FBXL17: variants seen among roughly 807,000 people sequenced by gnomAD.
The protein encoded by FBXL17 is F-box and leucine rich repeat protein 17, also known as F-box/LRR-repeat protein 17.
Under a neutral mutation model 66.2 loss-of-function variants are expected in FBXL17, and 22 were observed. The observed-to-expected ratio is 0.33, with a 90% CI of 0.24 to 0.47. The LOEUF (loss-of-function observed/expected upper bound fraction) is 0.47. Ranked by LOEUF, FBXL17 falls within the 20% of genes least tolerant of loss-of-function variation. The probability of loss-of-function intolerance (pLI) is 1.00; values close to 1 mark genes in which losing one functional copy is unlikely to be tolerated. For missense variants in FBXL17, 878 were observed against 948.2 expected (o/e 0.93, Z 0.97); for synonymous variants, 474 against 400.5 (o/e 1.18, Z -2.19).
At chr5:107,951,713 C>G (rs940574377) in intron 7 of FBXL17, among the ~76,000 whole-genome samples, 4 of 152,182 alleles carry the variant, frequency 2.6e-5, no homozygotes, top group Non-Finnish European at 5.9e-5. Flanking sequence ...AGCTCTCTGT[C>G]TCAAGTTCTC....
At chr5:108,111,333 A>G (rs1229140679) in intron 6 of FBXL17, among the ~76,000 whole-genome samples, 1 of 152,028 alleles carries the variant, frequency 6.6e-6, no homozygotes, top group Non-Finnish European at 1.5e-5. Flanking sequence ...AATTGGAAAC[A>G]AAACAAGACT....
chr5:108,381,434 C>CGGCGGCGGCGAG lies in FBXL17; in HGVS notation c.246_257dup (p.Ser83_Pro86dup), dbSNP rs1332232825. 1 of 1,312,038 alleles carries CGGCGGCGGCGAG rather than the reference C, an allele frequency of 7.6e-7. No homozygotes were observed. Among genetic ancestry groups the CGGCGGCGGCGAG allele is most frequent in the South Asian group, 2.3e-5 (1 of 43,834 alleles). The allele number at this position is 1,312,038 out of a possible 1,614,324, so 81.3% of individuals were successfully genotyped here. ...AGGCGGCAGCGTAGGCCCCGTCCCG[C>CGGCGGCGGCGAG]GGCGGCGGCGAGAGCGGCGGCTCCT... On this transcript the variant is annotated inframe_insertion, in exon 1 of 9. Transcript: ENST00000542267.
chr5:108,160,436 C>T (rs1251805980), intron 6 of FBXL17, among the ~76,000 whole-genome samples: 2 of 152,170 alleles, frequency 1.3e-5, no homozygotes, highest in African/African-American at 4.8e-5. Context: ...CAAACCACTA[C>T]TTTCTTGTGA....
chr5:107,918,881 A>C (rs565512504), intron 7 of FBXL17, among the ~76,000 whole-genome samples: 57 of 152,280 alleles, frequency 3.7e-4, no homozygotes, highest in Admixed American at 8.5e-4. Context: ...GATTTTGTAG[A>C]TCCAGGGAAG....
intron 6 of FBXL17, among the ~76,000 whole-genome samples, chr5:108,165,319 A>G (rs1752375840): frequency 1.6e-5 from 2 of 123,402 alleles, no homozygotes; most frequent in African/African-American, 5.2e-5. Context: ...GGATATGCAC[A>G]TAACTGAAAA....
chr5:107,994,314 T>C (rs956188066), intron 7 of FBXL17, among the ~76,000 whole-genome samples: 5 of 152,210 alleles, frequency 3.3e-5, no homozygotes, highest in Admixed American at 3.3e-4. Flanking sequence ...CTTCTTACCA[T>C]TGATAACATG....
intron 4 of FBXL17, among the ~76,000 whole-genome samples, chr5:108,251,005 C>T (rs1383138245): frequency 6.8e-6 from 1 of 146,112 alleles, no homozygotes; most frequent in African/African-American, 2.5e-5. Context: ...AAGTTATTGC[C>T]TATTTTTGTT....
intron 7 of FBXL17, among the ~76,000 whole-genome samples, chr5:107,983,337 A>C (rs1752894487): frequency 6.6e-6 from 1 of 151,590 alleles, no homozygotes; most frequent in African/African-American, 2.4e-5. Flanking sequence ...GACTACAGGC[A>C]CGCGCCACTA....
chr5:107,896,234 G>A (rs1454022735), intron 7 of FBXL17, among the ~76,000 whole-genome samples: 1 of 151,990 alleles, frequency 6.6e-6, no homozygotes, highest in Non-Finnish European at 1.5e-5. Flanking sequence ...AGTCAATAAC[G>A]TTGAGAAATT....
chr5:108,014,803 T>A (rs1462720745), intron 7 of FBXL17, among the ~76,000 whole-genome samples: 1 of 152,206 alleles, frequency 6.6e-6, no homozygotes, highest in Admixed American at 6.5e-5. Flanking sequence ...AGAGCTTTAA[T>A]GGACTCACAG....
chr5:108,022,027 G>T (rs2112766282), intron 6 of FBXL17, among the ~76,000 whole-genome samples: 1 of 151,838 alleles, frequency 6.6e-6, no homozygotes, highest in African/African-American at 2.4e-5. Flanking sequence ...TTCATAAAAT[G>T]TCAGGAAATT....
At chr5:108,016,796 T>TTTTA (rs1754405261) in intron 7 of FBXL17, among the ~76,000 whole-genome samples, 4 of 151,480 alleles carry the variant, frequency 2.6e-5, no homozygotes, top group African/African-American at 4.8e-5. Flanking sequence ...CTTTTTTTTT[T>TTTTA]GAGACAGAGT....
chr5:108,232,976 G>A (rs1399489075), intron 4 of FBXL17, among the ~76,000 whole-genome samples: 2 of 150,868 alleles, frequency 1.3e-5, no homozygotes, highest in Non-Finnish European at 2.9e-5. Context: ...AAATAATGCT[G>A]CTGTGATCAT....
At chr5:107,924,040 A>G (rs1446281209) in intron 7 of FBXL17, among the ~76,000 whole-genome samples, 2 of 150,118 alleles carry the variant, frequency 1.3e-5, no homozygotes, top group African/African-American at 2.5e-5. Context: ...CTGCCTAAAG[A>G]AGTGGCATAT....
At chr5:108,013,362 A>G (rs1399690511) in intron 7 of FBXL17, among the ~76,000 whole-genome samples, 3 of 152,180 alleles carry the variant, frequency 2.0e-5, no homozygotes, top group Non-Finnish European at 4.4e-5. Flanking sequence ...TTTGCATGTA[A>G]TCACTTTGGA....
intron 6 of FBXL17, among the ~76,000 whole-genome samples, chr5:108,173,357 C>A (rs1752677829): frequency 6.6e-6 from 1 of 151,804 alleles, no homozygotes; most frequent in Non-Finnish European, 1.5e-5. Context: ...ATGTAACTAA[C>A]CTGCACATTG....
At chr5:108,248,014 T>C (rs1756181490) in intron 4 of FBXL17, among the ~76,000 whole-genome samples, 1 of 152,206 alleles carries the variant, frequency 6.6e-6, no homozygotes, top group Non-Finnish European at 1.5e-5. Context: ...TTCCAGGTTA[T>C]CTGCTAATGT....
At chr5:108,294,675 G>A (rs1330971378) in intron 4 of FBXL17, among the ~76,000 whole-genome samples, 1 of 151,848 alleles carries the variant, frequency 6.6e-6, no homozygotes, top group East Asian at 1.9e-4. Flanking sequence ...ATAAACCACT[G>A]AAAGCAAACT....
At chr5:107,969,653 C>T (rs1328284242) in intron 7 of FBXL17, among the ~76,000 whole-genome samples, 1 of 152,138 alleles carries the variant, frequency 6.6e-6, no homozygotes, top group Non-Finnish European at 1.5e-5. Context: ...ACTGTAGAAG[C>T]CTCATGTTGC....
Sources: gnomAD v4.1 joint callset for allele counts (sites outside exome capture counted in the v4.1 genomes callset) on GRCh38, gnomAD v4.1.1 for gene constraint, MANE v1.5 for transcripts, NCBI Gene and HGNC (gene_info 2026-07-23, HGNC 2026-07-21) for gene names.